CYTIP: variants seen among roughly 807,000 people sequenced by gnomAD.
CYTIP encodes the protein cytohesin-interacting protein.
A neutral mutation model predicts 43.8 loss-of-function variants in CYTIP; 26 were observed. The observed-to-expected ratio is 0.59, with a 90% confidence interval of 0.44 to 0.82. The LOEUF (loss-of-function observed/expected upper bound fraction) is 0.82. CYTIP is among the 40% of genes least tolerant of loss of function. The pLI is 0.00. For synonymous variants in CYTIP, 162 were observed against 162.9 expected (o/e 0.99, Z 0.04); for missense variants, 426 against 443.1 (o/e 0.96, Z 0.35).
At chr2:157,431,295 T>C (rs569856972) in intron 3 of CYTIP, among the ~76,000 whole-genome samples, 8 of 152,324 alleles carry the variant, frequency 5.3e-5, no homozygotes, top group African/African-American at 1.4e-4. Context: ...AAAACAACGA[T>C]GGCCAAGTGC....
chr2:157,416,446 T>G (rs1195780390), intron 7 of CYTIP, among the ~76,000 whole-genome samples: 4 of 152,144 alleles, frequency 2.6e-5, no homozygotes, highest in Non-Finnish European at 5.9e-5. Flanking sequence ...AGTCTACCAG[T>G]GTGGCATCTG....
intron 7 of CYTIP, 106 bp downstream of exon 7, chr2:157,418,417 C>G (rs1471547488): frequency 8.7e-7 from 1 of 1,149,304 alleles, no homozygotes; most frequent in Admixed American, 2.4e-5. Context: ...TTGACCAGCA[C>G]TAGACAAATT....
At chr2:157,440,845 G>A (rs756962728) in intron 1 of CYTIP, among the ~76,000 whole-genome samples, 5 of 152,134 alleles carry the variant, frequency 3.3e-5, no homozygotes, top group Non-Finnish European at 7.4e-5. Context: ...ATGAGAGTGG[G>A]TGGTAAGACA....
chr2:157,422,854 C>T (rs1247533648), intron 6 of CYTIP, among the ~76,000 whole-genome samples: 15 of 151,834 alleles, frequency 9.9e-5, no homozygotes. Flanking sequence ...ATTTTTATAA[C>T]TCAATAGAAA....
At chr2:157,433,011 C>A (rs956970666) in intron 3 of CYTIP, among the ~76,000 whole-genome samples, 5 of 152,126 alleles carry the variant, frequency 3.3e-5, no homozygotes, top group African/African-American at 1.2e-4. Flanking sequence ...AGTTTTGACT[C>A]TTGCTCCACG....
chr2:157,431,750 T>C (rs983496806), intron 3 of CYTIP, among the ~76,000 whole-genome samples: 1 of 152,200 alleles, frequency 6.6e-6, no homozygotes, highest in East Asian at 1.9e-4. Context: ...GCAAAATCAG[T>C]GTTCTGAGTA....
At chr2:157,431,053 G>T in intron 3 of CYTIP, 91 bp from the exon 4 acceptor site, 1 of 992,414 alleles carries the variant, frequency 1.0e-6, no homozygotes, top group African/African-American at 1.6e-5. Flanking sequence ...TCATTAAGCA[G>T]TATAATAGGT....
chr2:157,423,231 A>C (rs558556845), intron 6 of CYTIP, among the ~76,000 whole-genome samples: 1 of 152,216 alleles, frequency 6.6e-6, no homozygotes, highest in East Asian at 1.9e-4. Context: ...AAAAAGGATT[A>C]AAGATGGCCA....
At chr2:157,432,351 C>T (rs1192274867) in intron 3 of CYTIP, among the ~76,000 whole-genome samples, 3 of 152,104 alleles carry the variant, frequency 2.0e-5, no homozygotes, top group Non-Finnish European at 2.9e-5. Context: ...TAATTGGATG[C>T]TTTTTTCTCT....
At chr2:157,422,233 CACATTGTGCTGAAGGGAGAGGCTAT>C (rs1685532644) in intron 6 of CYTIP, among the ~76,000 whole-genome samples, 1 of 152,198 alleles carries the variant, frequency 6.6e-6, no homozygotes, top group Admixed American at 6.5e-5. Context: ...ATCCAGTTAT[CACATTGTGCTGAAGGGAGAGGCTAT>C]ATGCCATGCA....
In CYTIP at chr2:157,427,437, A is replaced by T. The variant is rs1023172320; in HGVS notation, c.477-17T>A. ...GTCTCTATCCTGTTTTAAGGAAAAA[A>T]AAAAGAAGAGGAAGGTGGGGAGTGA... On this transcript the variant is annotated splice_polypyrimidine_tract_variant and intron_variant, in intron 5 of 7. Coordinates refer to ENST00000264192, the MANE Select transcript of CYTIP (RefSeq NM_004288.5). 3.2e-6 allele frequency: 5 copies of T among 1,575,682 alleles called. No individual in the cohort carries two copies. The highest frequency in any genetic ancestry group is 4.3e-6 in the Non-Finnish European group (5 of 1,163,522).
intron 6 of CYTIP, among the ~76,000 whole-genome samples, chr2:157,421,074 T>G (rs1334232011): frequency 1.3e-5 from 2 of 152,236 alleles, no homozygotes; most frequent in Non-Finnish European, 2.9e-5. Context: ...AAAGAGCAGA[T>G]GTGTCAAAGT....
rs5835667 is a variant in CYTIP at position 157,418,599 on chromosome 2, TAA to T, written c.547-12_547-11del. The T allele has an allele frequency of 5.8e-3, 7,742 of 1,339,418 alleles. No homozygotes were observed. Among genetic ancestry groups the T allele is most frequent in the South Asian group, 0.013 (820 of 65,130 alleles). The allele number at this position is 1,339,418 out of a possible 1,614,324, so 83.0% of individuals were successfully genotyped here. On this transcript the variant is annotated splice_polypyrimidine_tract_variant and intron_variant, in intron 6 of 7. Coordinates refer to ENST00000264192, the MANE Select transcript of CYTIP (RefSeq NM_004288.5). ...TTTGTTTCAAAGTTTGCTGTGAGAT[TAA>T]AAAAAAAAAAAAAAAGTTTTTATTA...
chr2:157,430,779 T>TA, intron 4 of CYTIP, 81 bp downstream of exon 4: 1 of 1,473,340 alleles, frequency 6.8e-7, no homozygotes, highest in Admixed American at 1.9e-5. Flanking sequence ...AAGCAACAAA[T>TA]ACATCCTGAC....
chr2:157,427,733 T>C (rs1283706080), intron 5 of CYTIP, among the ~76,000 whole-genome samples: 2 of 152,242 alleles, frequency 1.3e-5, no homozygotes, highest in Non-Finnish European at 1.5e-5. Flanking sequence ...TCTACTAGAA[T>C]CTGTTCTTGT....
In CYTIP at chr2:157,418,686, T is replaced by G. The variant is rs1314378961; in HGVS notation, c.547-97A>C. 4.3e-6 allele frequency: 5 copies of G among 1,172,572 alleles called. No individual in the cohort carries two copies. In the East Asian group the frequency reaches 7.9e-5, roughly 19 times the overall value. The allele number at this position is 1,172,572 out of a possible 1,614,324, so 72.6% of individuals were successfully genotyped here. A position where few individuals can be genotyped will look rare whatever the true frequency, so the allele number is the denominator to read the frequency against. ...TAGGTGTTGAGATTTGTCATTAAAT[T>G]TTTTACCTTTCTTTCTAGTACTACC... On this transcript the variant is annotated intron_variant, in intron 6 of 7. Coordinates refer to ENST00000264192, the MANE Select transcript of CYTIP (RefSeq NM_004288.5).
In CYTIP at chr2:157,440,238, G is replaced by C. The variant is rs999300514; in HGVS notation, c.174+3609C>G. Among the ~76,000 whole-genome samples, 5 of 152,054 alleles carry C rather than the reference G, an allele frequency of 3.3e-5. 1 individual carries two copies. In the South Asian group the frequency reaches 1.0e-3, roughly 32 times the overall value. Reference sequence around the variant, plus strand: ...CAACTCCCACCCACTTTTAAATAAGGAGCATTAGGATATCAACGCTCCACA... The same window carrying C: ...CAACTCCCACCCACTTTTAAATAAGCAGCATTAGGATATCAACGCTCCACA... On this transcript the variant is annotated intron_variant, in intron 1 of 7. Transcript: ENST00000264192.
intron 3 of CYTIP, among the ~76,000 whole-genome samples, chr2:157,432,461 A>G (rs190792074): frequency 1.3e-4 from 20 of 152,304 alleles, no homozygotes; most frequent in Non-Finnish European, 7.4e-5. Context: ...ATGCCCAGTG[A>G]CATTCATTCT....
chr2:157,438,942 G>A (rs1685859475), intron 1 of CYTIP: 1 of 420,890 alleles, frequency 2.4e-6, no homozygotes, highest in Non-Finnish European at 5.1e-6. Context: ...CATCCAATCG[G>A]TCTTTTGAAT....
Sources: gnomAD v4.1 joint callset for allele counts (sites outside exome capture counted in the v4.1 genomes callset) on GRCh38, gnomAD v4.1.1 for gene constraint, MANE v1.5 for transcripts, NCBI Gene and HGNC (gene_info 2026-07-23, HGNC 2026-07-21) for gene names.